The following PTPN13 variants were observed in gnomAD, a reference collection of about 807,000 sequenced individuals.
The protein encoded by PTPN13 is tyrosine-protein phosphatase non-receptor type 13.
A neutral mutation model predicts 284.0 loss-of-function variants in PTPN13; 191 were observed. That is an observed-to-expected ratio of 0.67 (90% CI 0.60 to 0.76). The LOEUF is 0.76. PTPN13 is among the 30% of genes least tolerant of loss of function. The probability of loss-of-function intolerance (pLI) is 0.00; values close to 1 mark genes in which losing one functional copy is unlikely to be tolerated. For missense variants in PTPN13, 2,797 were observed against 2,939.9 expected, an observed-to-expected ratio of 0.95 and a Z score of 1.12; for synonymous variants, 986 against 1,022.3, an observed-to-expected ratio of 0.96 and a Z score of 0.68.
chr4:86,659,379 A>C (rs1244338655), intron 2 of PTPN13, among the ~76,000 whole-genome samples: 3 of 152,222 alleles, frequency 2.0e-5, no homozygotes, highest in Non-Finnish European at 4.4e-5. Flanking sequence ...TTCATAAAAA[A>C]TACAGATGAA....
intron 44 of PTPN13, among the ~76,000 whole-genome samples, chr4:86,805,942 G>A (rs149293646): frequency 1.3e-3 from 192 of 152,126 alleles, no homozygotes; most frequent in African/African-American, 4.5e-3. Flanking sequence ...GATCACTTGA[G>A]ATCAGAAGTT....
At chr4:86,646,870 G>A (rs888691773) in intron 2 of PTPN13, among the ~76,000 whole-genome samples, 14 of 152,218 alleles carry the variant, frequency 9.2e-5, no homozygotes, top group Non-Finnish European at 1.8e-4. Flanking sequence ...ATAATGAAAC[G>A]CTACACATCA....
At chr4:86,743,339 T>C (rs909199174) in intron 16 of PTPN13, among the ~76,000 whole-genome samples, 5 of 152,296 alleles carry the variant, frequency 3.3e-5, no homozygotes, top group Admixed American at 2.6e-4. Flanking sequence ...GTAGTGGTTC[T>C]GTAGTTCTTT....
At position 86,772,806 on chromosome 4, in the gene PTPN13, G is replaced by A. The variant is rs200187346; in HGVS notation, c.5197G>A (p.Ala1733Thr). The change falls in exon 32 of 48, where the codon GCT becomes ACT. Residue 1733 changes from alanine (A) to threonine (T), a missense_variant. By Grantham distance (58) the Ala-to-Thr change is moderately conservative. Coordinates refer to ENST00000411767, the MANE Select transcript of PTPN13 (RefSeq NM_080683.3). ...TCCTTCCCCTCTACCACCGGATATG[G>A]CTCCTGGGCAGAGTTATCAACCCCA... ...SNPSPLPPDMAPGQSYQPQSE... is the reference protein window; with the variant it reads ...SNPSPLPPDMTPGQSYQPQSE... 668 of 1,609,910 alleles carry A rather than the reference G, an allele frequency of 4.1e-4. 2 individuals carry two copies. Among genetic ancestry groups the A allele is most frequent in the Middle Eastern group, 1.6e-4 (1 of 6,070 alleles).
intron 43 of PTPN13, 49 bp downstream of exon 43, chr4:86,803,906 T>C (rs1565621713): frequency 6.4e-7 from 1 of 1,573,904 alleles, no homozygotes; most frequent in South Asian, 1.2e-5. Flanking sequence ...TGCATTTAGT[T>C]TGTAAGGAAA....
chr4:86,749,269 CCT>C, intron 17 of PTPN13, among the ~76,000 whole-genome samples: 1 of 152,058 alleles, frequency 6.6e-6, no homozygotes, highest in South Asian at 2.1e-4. Flanking sequence ...CCTCCCTCCT[CCT>C]CTGTCTCCTC....
intron 7 of PTPN13, among the ~76,000 whole-genome samples, chr4:86,716,175 G>A (rs1483739060): frequency 6.6e-6 from 1 of 152,092 alleles, no homozygotes; most frequent in Non-Finnish European, 1.5e-5. Context: ...TGAAAGCTTC[G>A]TGTATGTTAA....
intron 9 of PTPN13, among the ~76,000 whole-genome samples, chr4:86,719,043 A>G (rs921919113): frequency 6.6e-6 from 1 of 152,124 alleles, no homozygotes; most frequent in African/African-American, 2.4e-5. Flanking sequence ...TAAACACGTG[A>G]CAGGGGTTTG....
intron 1 of PTPN13, among the ~76,000 whole-genome samples, chr4:86,601,666 A>G (rs1764302608): frequency 6.6e-6 from 1 of 152,140 alleles, no homozygotes; most frequent in Non-Finnish European, 1.5e-5. Flanking sequence ...TTAGTACATC[A>G]AACTTTCTAA....
intron 31 of PTPN13, 109 bp downstream of exon 31, chr4:86,771,644 C>G: frequency 1.6e-6 from 2 of 1,223,146 alleles, no homozygotes; most frequent in Admixed American, 2.7e-5. Flanking sequence ...GTGACCTTCA[C>G]AGTGGTTAGG....
In PTPN13 at chr4:86,652,683, G is replaced by T. The variant is rs1269880548; in HGVS notation, c.115+17312G>T. 5.9e-5 allele frequency among the ~76,000 whole-genome samples: 9 copies of T among 152,028 alleles called. No homozygotes were observed. In the East Asian group the frequency reaches 1.7e-3, roughly 29 times the overall value. On this transcript the variant is annotated intron_variant, in intron 2 of 47. Coordinates refer to ENST00000411767, the MANE Select transcript of PTPN13 (RefSeq NM_080683.3). ...GTATATTTTCTCTTGCTGCTTTTAG[G>T]ATCCTTTCTTTATCCTTCTCCTTTG...
At chr4:86,673,658 A>G (rs1411454624) in intron 3 of PTPN13, among the ~76,000 whole-genome samples, 1 of 152,220 alleles carries the variant, frequency 6.6e-6, no homozygotes, top group Non-Finnish European at 1.5e-5. Flanking sequence ...ACAAAAGTAG[A>G]TAACTATGGG....
chr4:86,605,998 A>G (rs985972311), intron 1 of PTPN13, among the ~76,000 whole-genome samples: 1 of 151,900 alleles, frequency 6.6e-6, no homozygotes, highest in Non-Finnish European at 1.5e-5. Context: ...TACAGTCTAT[A>G]ATGGTCAAGT....
intron 41 of PTPN13, 47 bp from the exon 42 acceptor site, chr4:86,799,054 G>T: frequency 8.7e-7 from 1 of 1,152,176 alleles, no homozygotes; most frequent in East Asian, 2.6e-5. Flanking sequence ...TGTTTAATTT[G>T]AGTACAAAAA....
chr4:86,699,410 T>C (rs921865420), intron 6 of PTPN13, among the ~76,000 whole-genome samples: 1 of 150,396 alleles, frequency 6.6e-6, no homozygotes, highest in African/African-American at 2.4e-5. Flanking sequence ...AAAGTAGACA[T>C]AGGTAGTATA....
rs778459832 is a variant in PTPN13, at chr4:86,807,779, A to G, written c.6965A>G (p.Tyr2322Cys). The G allele has an allele frequency of 3.1e-6, 5 of 1,614,040 alleles. No homozygotes were observed. Among genetic ancestry groups the G allele is most frequent in the East Asian group, 2.2e-5 (1 of 44,880 alleles). The change falls in exon 45 of 48, where the codon TAT becomes TGT. Residue 2322 changes from tyrosine (Y) to cysteine (C), a missense_variant. By Grantham distance (194) the Tyr-to-Cys change is radical. Transcript: ENST00000411767. ...GGAGAAAAAATCAAATGCCAGCGCT[A>G]TTGGCCCAACATCCTAGGCAAAACA... Reference protein sequence around the residue: ...VEGEKIKCQRYWPNILGKTTM... With the variant: ...VEGEKIKCQRCWPNILGKTTM...
At chr4:86,749,147 G>A (rs1259211088) in intron 17 of PTPN13, among the ~76,000 whole-genome samples, 1 of 152,040 alleles carries the variant, frequency 6.6e-6, no homozygotes, top group Admixed American at 6.5e-5. Context: ...ACCTCTTTAT[G>A]CCTGAGAGAA....
In PTPN13 at chr4:86,796,473, G is replaced by GA. The variant is rs923566342; in HGVS notation, c.6346-390dup. Among the ~76,000 whole-genome samples the GA allele has an allele frequency of 5.7e-3, 852 of 148,596 alleles. 12 individuals are homozygous for GA. Among genetic ancestry groups the GA allele is most frequent in the African/African-American group, 0.018 (742 of 40,644 alleles). ...AACATAGTGAGATCCCATCTCTACAGAAAAAAAAAAATTTTTAATTACCTG... is the reference window on the plus strand; with the variant it reads ...AACATAGTGAGATCCCATCTCTACAGAAAAAAAAAAAATTTTTAATTACCTG... On this transcript the variant is annotated intron_variant, in intron 40 of 47. Transcript: ENST00000411767.
chr4:86,773,163 C>T (rs1740194862), intron 32 of PTPN13, among the ~76,000 whole-genome samples: 1 of 152,182 alleles, frequency 6.6e-6, no homozygotes, highest in Admixed American at 6.5e-5. Context: ...GACTCTACCA[C>T]TGACTTGCTA....
Sources: gnomAD v4.1 joint callset for allele counts (sites outside exome capture counted in the v4.1 genomes callset) on GRCh38, gnomAD v4.1.1 for gene constraint, MANE v1.5 for transcripts, NCBI Gene and HGNC (gene_info 2026-07-23, HGNC 2026-07-21) for gene names.